Variants in CASK observed in about 807,000 individuals in gnomAD.
CASK encodes the protein peripheral plasma membrane protein CASK.
A neutral mutation model predicts 82.9 loss-of-function variants in CASK; 4 were observed. The ratio of observed to expected loss-of-function variants is 0.05; its 90% CI spans 0.02 to 0.11. CASK has a LOEUF of 0.11. Ranked by LOEUF, CASK falls within the 10% of genes least tolerant of loss-of-function variation. CASK has a pLI of 1.00. For synonymous variants in CASK, 259 were observed against 253.5 expected (o/e 1.02, Z -0.20); for missense variants, 358 against 720.9 (o/e 0.50, Z 5.76).
At chrX:41,584,080 A>G (rs1424974027) in intron 14 of CASK, 2 of 112,205 alleles carry the variant, frequency 1.8e-5, no homozygotes, top group Non-Finnish European at 3.8e-5. Flanking sequence ...GGAACACTGC[A>G]CAGAGCAGTC....
At chrX:41,591,530 A>G (rs950353219) in intron 12 of CASK, among the ~76,000 whole-genome samples, 29 of 109,699 alleles carry the variant, frequency 2.6e-4, no homozygotes, top group Non-Finnish European at 4.9e-4. Context: ...GCTGGAGTCC[A>G]GTGGCTCAAT....
chrX:41,604,906 A>G (rs1478684392), intron 12 of CASK, among the ~76,000 whole-genome samples: 1 of 112,142 alleles, frequency 8.9e-6, no homozygotes, highest in Non-Finnish European at 1.9e-5. Flanking sequence ...GTTTTACTCA[A>G]ATTCAAAGGT....
At position 41,642,118 on chromosome X, in the gene CASK, G is replaced by A. The variant is rs750647955; in HGVS notation, c.832-5457C>T. On this transcript the variant is annotated intron_variant, in intron 8 of 26. Transcript: ENST00000378163. ...GCATAGTATTCCATGGTGTATATGC[G>A]CCACATTTTCTTAATCCAGTCTATC... Among the ~76,000 whole-genome samples, 126 of 110,922 alleles carry A rather than the reference G, an allele frequency of 1.1e-3. 1 individual carries two copies. Among genetic ancestry groups the A allele is most frequent in the Admixed American group, 4.3e-3 (45 of 10,401 alleles).
intron 1 of CASK, among the ~76,000 whole-genome samples, chrX:41,859,421 C>T (rs775776320): frequency 2.7e-5 from 3 of 111,813 alleles, no homozygotes; most frequent in Non-Finnish European, 5.6e-5. Context: ...CAGTCGTTTA[C>T]AGGCACGCAT....
At chrX:41,844,092 A>G (rs897820656) in intron 2 of CASK, among the ~76,000 whole-genome samples, 5 of 111,716 alleles carry the variant, frequency 4.5e-5, no homozygotes, top group African/African-American at 1.6e-4. Context: ...TTTCTGAAGA[A>G]CTACAGAACA....
chrX:41,536,210 C>T (rs1602227589), intron 22 of CASK, among the ~76,000 whole-genome samples: 1 of 110,727 alleles, frequency 9.0e-6, no homozygotes, highest in Admixed American at 9.7e-5. Flanking sequence ...CTCTGCCTCC[C>T]AGGTTCAAGC....
chrX:41,718,786 CCAAA>C (rs1324312745), intron 5 of CASK, among the ~76,000 whole-genome samples: 1 of 111,657 alleles, frequency 9.0e-6, no homozygotes, highest in Non-Finnish European at 1.9e-5. Context: ...GAGCTTATGC[CCAAA>C]CAAAAGGGAG....
chrX:41,658,215 C>T (rs2066973631), intron 8 of CASK, among the ~76,000 whole-genome samples: 1 of 111,822 alleles, frequency 8.9e-6, no homozygotes, highest in Admixed American at 9.5e-5. Flanking sequence ...AACCGGTAAA[C>T]ATAAGTAAAT....
chrX:41,628,942 G>A (rs1316174771), intron 9 of CASK, among the ~76,000 whole-genome samples: 1 of 111,798 alleles, frequency 8.9e-6, no homozygotes, highest in Non-Finnish European at 1.9e-5. Flanking sequence ...ATTTCCAAAT[G>A]AAGTACAACT....
chrX:41,763,546 C>T (rs2069046506), intron 3 of CASK, among the ~76,000 whole-genome samples: 1 of 110,618 alleles, frequency 9.0e-6, no homozygotes, highest in African/African-American at 3.3e-5. Flanking sequence ...ACCTGTAGTC[C>T]CAGCTACTTG....
intron 2 of CASK, among the ~76,000 whole-genome samples, chrX:41,826,944 C>T (rs1488395205): frequency 8.9e-6 from 1 of 111,880 alleles, no homozygotes; most frequent in Non-Finnish European, 1.9e-5. Context: ...TGGAACCCAT[C>T]GTTTTCAATG....
In CASK at chrX:41,826,364, C is replaced by T. The variant is rs754306278; in HGVS notation, c.172+26751G>A. On this transcript the variant is annotated intron_variant, in intron 2 of 26. Transcript: ENST00000378163. ...ATCAATGGTGTGTTATCACTGCGTC[C>T]TCACATGGTAGGTGGAAGGGGTGAG... Among the ~76,000 whole-genome samples the T allele has an allele frequency of 2.7e-5, 3 of 112,336 alleles. No homozygotes were observed. In the South Asian group the frequency reaches 1.1e-3, roughly 42 times the overall value.
At chrX:41,743,297 C>A (rs1477283833) in intron 4 of CASK, among the ~76,000 whole-genome samples, 1 of 111,049 alleles carries the variant, frequency 9.0e-6, no homozygotes. Context: ...CTAGTATTGA[C>A]TATTTTTGGT....
At position 41,676,566 on chromosome X, in the gene CASK, C is replaced by T. The variant is rs970774474; in HGVS notation, c.430-5036G>A. 1.7e-5 allele frequency: 15 copies of T among 899,171 alleles called. No homozygotes were observed. The Admixed American group carries it at 3.5e-4, about 21-fold the overall frequency. The allele number at this position is 899,171 out of a possible 1,213,427, so 74.1% of individuals were successfully genotyped here. A position where few individuals can be genotyped will look rare whatever the true frequency, so the allele number is the denominator to read the frequency against. On this transcript the variant is annotated intron_variant, in intron 5 of 26. Transcript: ENST00000378163. Reference sequence around the variant, plus strand: ...TCGCCTGGGTCTACCTGGCGGGCGCCGCTGGGCCGGGCCTGGGCTCTGGCC... The same window carrying T: ...TCGCCTGGGTCTACCTGGCGGGCGCTGCTGGGCCGGGCCTGGGCTCTGGCC...
At chrX:41,525,982 T>C (rs1372776774) in intron 25 of CASK, among the ~76,000 whole-genome samples, 3 of 112,281 alleles carry the variant, frequency 2.7e-5, no homozygotes, top group Admixed American at 1.9e-4. Flanking sequence ...GAAAGCTCTT[T>C]AAGCTTGCAT....
At chrX:41,549,994 TACTAAAAAC>T (rs2065074165) in intron 21 of CASK, among the ~76,000 whole-genome samples, 1 of 106,279 alleles carries the variant, frequency 9.4e-6, no homozygotes, top group Non-Finnish European at 1.9e-5. Flanking sequence ...ACCCTGTCTC[TACTAAAAAC>T]ACAAAAAATT....
chrX:41,895,285 G>A (rs1057127176), intron 1 of CASK, among the ~76,000 whole-genome samples: 1 of 111,866 alleles, frequency 8.9e-6, no homozygotes, highest in African/African-American at 3.2e-5. Context: ...GAGAGCTTCC[G>A]AACTTATCTG....
At chrX:41,599,954 C>T (rs1032684207) in intron 12 of CASK, among the ~76,000 whole-genome samples, 1 of 111,262 alleles carries the variant, frequency 9.0e-6, no homozygotes, top group African/African-American at 3.3e-5. Flanking sequence ...AAGAGCTTGC[C>T]CAACTATGAG....
At chrX:41,744,343 ACTT>A (rs1323086415) in intron 4 of CASK, among the ~76,000 whole-genome samples, 3 of 106,979 alleles carry the variant, frequency 2.8e-5, no homozygotes, top group African/African-American at 6.8e-5. Context: ...TTTCATATTT[ACTT>A]CTTTTTTTTT....
Sources: gnomAD v4.1 joint callset for allele counts (sites outside exome capture counted in the v4.1 genomes callset) on GRCh38, gnomAD v4.1.1 for gene constraint, MANE v1.5 for transcripts, NCBI Gene and HGNC (gene_info 2026-07-23, HGNC 2026-07-21) for gene names.